ERBB2: variants seen among roughly 807,000 people sequenced by gnomAD.
The protein encoded by ERBB2 is receptor tyrosine-protein kinase erbB-2.
A neutral mutation model predicts 149.0 loss-of-function variants in ERBB2; 61 were observed. The ratio of observed to expected loss-of-function variants is 0.41; its 90% CI spans 0.33 to 0.51. The LOEUF (loss-of-function observed/expected upper bound fraction) is 0.51. Among genes scored for constraint, ERBB2 ranks in the 20% least tolerant of loss-of-function variants. The probability of loss-of-function intolerance (pLI) is 0.25; values close to 1 mark genes in which losing one functional copy is unlikely to be tolerated. For missense variants in ERBB2, 1,205 were observed against 1,655.1 expected (o/e 0.73, Z 4.72); for synonymous variants, 633 against 678.8 (o/e 0.93, Z 1.05).
At position 39,725,711 on chromosome 17, in the gene ERBB2, G is replaced by A. The variant is rs766499882; in HGVS notation, c.2730G>A (p.Val910=). The A allele has an allele frequency of 1.9e-6, 3 of 1,611,954 alleles. No individual in the cohort carries two copies. Among genetic ancestry groups the A allele is most frequent in the Non-Finnish European group, 2.5e-6 (3 of 1,178,952 alleles). ...THQSDVWSYG[V]TVWELMTFGA... ...CTGACCCTGTCTCTGCCTTAGGTGT[G>A]ACTGTGTGGGAGCTGATGACTTTTG... Residue 910 remains valine, a synonymous_variant, in exon 23 of 27, where the codon GTG becomes GTA. Transcript: ENST00000269571. This position sits in a 1 kb window ranked among gnomAD's most constrained non-coding sequence, Gnocchi z 4.6.
chr17:39,699,737 G>T (rs918360731), upstream of ERBB2: 7 of 675,432 alleles, frequency 1.0e-5, no homozygotes, highest in African/African-American at 1.1e-4. Flanking sequence ...AGACTTAAAA[G>T]GGTGTTAAGA....
chr17:39,695,758 C>CACACACACGT (rs2057850041), upstream of ERBB2, among the ~76,000 whole-genome samples: 1 of 148,802 alleles, frequency 6.7e-6, no homozygotes, highest in Non-Finnish European at 1.5e-5. Flanking sequence ...CACACACACA[C>CACACACACGT]GTCTCCTGTG....
At chr17:39,689,950 C>A (rs1037522143), upstream of ERBB2, among the ~76,000 whole-genome samples, 4 of 151,438 alleles carry the variant, frequency 2.6e-5, no homozygotes, top group East Asian at 7.7e-4. Context: ...AAGGCCTCAT[C>A]CTATATTATG....
At position 39,700,286 on chromosome 17, in the gene ERBB2, G is replaced by T. The variant is rs1567892325; in HGVS notation, c.48G>T (p.Leu16Phe). ...LCRWGLLLAL[L>F]PPGAASTQVC... ...GCTGGGGGCTCCTCCTCGCCCTCTT[G>T]CCCCCCGGAGCCGCGAGCACCCAAG... The change falls in exon 1 of 27, where the codon TTG becomes TTT. Residue 16 changes from leucine (L) to phenylalanine (F), a missense_variant. Leu to Phe is a conservative substitution (Grantham distance 22). Around this residue, in one of 6 missense-constraint regions of ERBB2, gnomAD observed 101 missense variants for 95.1 expected, o/e 1.06. Coordinates refer to ENST00000269571, the MANE Select transcript of ERBB2 (RefSeq NM_004448.4). The T allele has an allele frequency of 5.0e-5, 71 of 1,429,048 alleles. No homozygotes were observed. The highest frequency in any genetic ancestry group is 6.3e-5 in the Non-Finnish European group (69 of 1,093,206). The allele number at this position is 1,429,048 out of a possible 1,614,324, so 88.5% of individuals were successfully genotyped here. A position where few individuals can be genotyped will look rare whatever the true frequency, so the allele number is the denominator to read the frequency against.
At chr17:39,717,242 G>A (rs2059185086) in intron 14 of ERBB2, 78 bp from the exon 15 acceptor site, 5 of 1,263,174 alleles carry the variant, frequency 4.0e-6, no homozygotes, top group South Asian at 1.7e-5. Context: ...GCACAAAGGG[G>A]ACCCAACTAA....
At chr17:39,703,652 A>G (rs1266251907) in intron 1 of ERBB2, among the ~76,000 whole-genome samples, 1 of 152,246 alleles carries the variant, frequency 6.6e-6, no homozygotes, top group East Asian at 1.9e-4. Context: ...ATAGAGATGA[A>G]TCCGATTTAG....
At chr17:39,690,540 T>C (rs1405609061), upstream of ERBB2, among the ~76,000 whole-genome samples, 2 of 152,178 alleles carry the variant, frequency 1.3e-5, no homozygotes, top group Non-Finnish European at 2.9e-5. Flanking sequence ...GAGTAGAGAC[T>C]TCTGTTCTGT....
At chr17:39,698,727 TG>T (rs1487656823), upstream of ERBB2, among the ~76,000 whole-genome samples, 1 of 151,642 alleles carries the variant, frequency 6.6e-6, no homozygotes, top group Non-Finnish European at 1.5e-5. Flanking sequence ...GTGTGGGAGA[TG>T]GGGGGGAGGG....
chr17:39,714,801 C>T (rs569014686), intron 9 of ERBB2, among the ~76,000 whole-genome samples: 31 of 149,012 alleles, frequency 2.1e-4, no homozygotes, highest in African/African-American at 4.9e-4. Context: ...GACAGAGTCT[C>T]GCTTTATCGC....
At chr17:39,706,174 C>G (rs752255958) in intron 1 of ERBB2, among the ~76,000 whole-genome samples, 1 of 152,194 alleles carries the variant, frequency 6.6e-6, no homozygotes, top group Admixed American at 6.5e-5. Flanking sequence ...GCTGATGGCT[C>G]GCGCTGGGCA....
At chr17:39,694,267 ATG>A (rs1245908795), upstream of ERBB2, among the ~76,000 whole-genome samples, 275 of 25,592 alleles carry the variant, frequency 0.011, 14 homozygotes, top group African/African-American at 0.027. Context: ...ATATATATAT[ATG>A]TGTGTATATA....
At chr17:39,694,752 TA>T (rs1447132606), upstream of ERBB2, 1 of 152,202 alleles carries the variant, frequency 6.6e-6, no homozygotes, top group East Asian at 1.9e-4. Flanking sequence ...CAGTGGTCTA[TA>T]CCTCCAGCAG....
upstream of ERBB2, among the ~76,000 whole-genome samples, chr17:39,694,059 G>A (rs2057770263): frequency 1.4e-5 from 2 of 147,128 alleles, no homozygotes; most frequent in African/African-American, 2.5e-5. Context: ...GGTGGTGCAT[G>A]CTATAATCCC....
chr17:39,690,888 T>C (rs2057679874), upstream of ERBB2, among the ~76,000 whole-genome samples: 1 of 152,136 alleles, frequency 6.6e-6, no homozygotes, highest in South Asian at 2.1e-4. Context: ...GCACAGTGGC[T>C]CATGCCTGTA....
rs377653295 is a variant in ERBB2, at chr17:39,725,129, T to C, written c.2574T>C (p.His858=). The C allele has an allele frequency of 5.0e-6, 8 of 1,613,986 alleles. No individual in the cohort carries two copies. In the African/African-American group the frequency reaches 6.7e-5, roughly 13 times the overall value. Residue 858 remains histidine (H), a synonymous_variant, in exon 21 of 27, where the codon CAT becomes CAC. Coordinates refer to ENST00000269571, the MANE Select transcript of ERBB2 (RefSeq NM_004448.4). The surrounding 1 kb of genome is among the most constrained non-coding windows in gnomAD (Gnocchi z 4.6). ...ACGTGCTGGTCAAGAGTCCCAACCA[T>C]GTCAAAATTACAGACTTCGGGCTGG... ...ARNVLVKSPN[H]VKITDFGLAR...
chr17:39,719,341 A>G (rs1035546424), intron 15 of ERBB2, among the ~76,000 whole-genome samples: 4 of 152,234 alleles, frequency 2.6e-5, no homozygotes, highest in African/African-American at 9.6e-5. Context: ...TAGAACATGG[A>G]AAAACATTGC....
At chr17:39,704,897 C>T (rs2058336509) in intron 1 of ERBB2, among the ~76,000 whole-genome samples, 1 of 152,104 alleles carries the variant, frequency 6.6e-6, no homozygotes, top group Non-Finnish European at 1.5e-5. Flanking sequence ...TGGTGTTTAT[C>T]GGTGGCATTG....
Position 39,712,413 on chromosome 17 carries a change from T to A in ERBB2, c.1113T>A (p.Phe371Leu), listed in dbSNP as rs149567593. The A allele has an allele frequency of 1.9e-6, 3 of 1,613,988 alleles. No homozygotes were observed. The highest frequency in any genetic ancestry group is 2.5e-6 in the Non-Finnish European group (3 of 1,179,980). ...IQEFAGCKKI[F>L]GSLAFLPESF... Reference sequence around the variant, plus strand: ...AGTTTGCTGGCTGCAAGAAGATCTTTGGGAGCCTGGCATTTCTGCCGGAGA... The same window carrying A: ...AGTTTGCTGGCTGCAAGAAGATCTTAGGGAGCCTGGCATTTCTGCCGGAGA... The change falls in exon 9 of 27, where the codon TTT (phenylalanine) becomes TTA (leucine). Residue 371 changes from phenylalanine (F) to leucine (L), a missense_variant. By Grantham distance (22) the Phe-to-Leu change is conservative. Transcript: ENST00000269571.
chr17:39,720,688 C>T (rs1346656534), intron 16 of ERBB2, among the ~76,000 whole-genome samples: 1 of 152,104 alleles, frequency 6.6e-6, no homozygotes, highest in African/African-American at 2.4e-5. Context: ...TCTCACTCTG[C>T]CTGCAGGCTG....
Sources: gnomAD v4.1 joint callset for allele counts (sites outside exome capture counted in the v4.1 genomes callset) on GRCh38, gnomAD v4.1.1 for gene constraint, gnomAD v4.1.1 regional missense constraint, Gnocchi (gnomAD v3.1) non-coding constraint, MANE v1.5 for transcripts, NCBI Gene and HGNC (gene_info 2026-07-23, HGNC 2026-07-21) for gene names.